ASB2: variants seen among roughly 807,000 people sequenced by gnomAD.
ASB2 encodes the protein ankyrin repeat and SOCS box containing 2.
A neutral mutation model predicts 62.4 loss-of-function variants in ASB2; 58 were observed. That is an observed-to-expected ratio of 0.93 (90% CI 0.75 to 1.16). The LOEUF (loss-of-function observed/expected upper bound fraction) is 1.16. Ranked by LOEUF, ASB2 falls within the 50% of genes most tolerant of loss-of-function variation. The pLI, the probability that ASB2 is intolerant of heterozygous loss-of-function variation, is 0.00. For missense variants in ASB2, 928 were observed against 887.9 expected (o/e 1.05, Z -0.57); for synonymous variants, 386 against 385.3 (o/e 1.00, Z -0.02).
intron 9 of ASB2, among the ~76,000 whole-genome samples, chr14:93,935,666 A>G (rs1240250253): frequency 6.6e-6 from 1 of 152,182 alleles, no homozygotes; most frequent in Non-Finnish European, 1.5e-5. Context: ...AAGTCATGCA[A>G]GCCTGGGGCT....
intron 3 of ASB2, chr14:93,955,532 G>C (rs967707164): frequency 5.5e-6 from 1 of 180,590 alleles, no homozygotes; most frequent in South Asian, 1.2e-4. Flanking sequence ...AGCCCAGTGG[G>C]GGTATGTGCC....
chr14:93,972,306 G>A lies in ASB2; in HGVS notation c.-74+4128C>T, dbSNP rs138052389. 3.8e-3 allele frequency among the ~76,000 whole-genome samples: 579 copies of A among 152,042 alleles called. 4 individuals are homozygous for A. Among genetic ancestry groups the A allele is most frequent in the Admixed American group, 6.7e-3 (102 of 15,282 alleles). On this transcript the variant is annotated intron_variant, in intron 1 of 9. Transcript: ENST00000555019. Reference sequence around the variant, plus strand: ...ATCTGCCTTTCCCCCCAGGATCCAGGGTGGTCCTAGGAAACCCAAGGAAAC... The same window carrying A: ...ATCTGCCTTTCCCCCCAGGATCCAGAGTGGTCCTAGGAAACCCAAGGAAAC...
chr14:93,945,189 TG>T (rs1888677717), intron 7 of ASB2, among the ~76,000 whole-genome samples: 1 of 152,116 alleles, frequency 6.6e-6, no homozygotes, highest in Admixed American at 6.5e-5. Context: ...AGGCTAGAAT[TG>T]GGGGGCAGTG....
rs529372693 is a variant in ASB2, at chr14:93,936,041, A to G, written c.1772-1249T>C. Among the ~76,000 whole-genome samples the G allele has an allele frequency of 2.6e-5, 4 of 152,342 alleles. No homozygotes were observed. In the South Asian group the frequency reaches 8.3e-4, roughly 32 times the overall value. On this transcript the variant is annotated intron_variant, in intron 9 of 9. Transcript: ENST00000555019. Reference sequence around the variant, plus strand: ...TTAGGACACTTTTTTAATAGTCCAGAAAATAGATGGGGAAACCCTTAGGTA... The same window carrying G: ...TTAGGACACTTTTTTAATAGTCCAGGAAATAGATGGGGAAACCCTTAGGTA...
In ASB2 at chr14:93,964,559, T is replaced by A; in HGVS notation, c.-20A>T. 6.5e-7 allele frequency: 1 copy of A among 1,535,608 alleles called. No individual in the cohort carries two copies. Among genetic ancestry groups the A allele is most frequent in the Non-Finnish European group, 8.7e-7 (1 of 1,146,578 alleles). ...GGCCATCCTCCTCCACCTCTCACCCTGGCCTCCAGAACAGACACCCAGTGG... is the reference window on the plus strand; with the variant it reads ...GGCCATCCTCCTCCACCTCTCACCCAGGCCTCCAGAACAGACACCCAGTGG... On this transcript the variant is annotated 5_prime_UTR_variant, in exon 2 of 10. Coordinates refer to ENST00000555019, the MANE Select transcript of ASB2 (RefSeq NM_001202429.2).
At chr14:93,962,831 G>A (rs1364260549) in intron 2 of ASB2, among the ~76,000 whole-genome samples, 3 of 152,208 alleles carry the variant, frequency 2.0e-5, no homozygotes, top group African/African-American at 7.2e-5. Flanking sequence ...CCCCTCCTGA[G>A]GAAGAGGAAC....
intron 4 of ASB2, among the ~76,000 whole-genome samples, chr14:93,953,832 G>A (rs539484776): frequency 6.6e-6 from 1 of 152,180 alleles, no homozygotes; most frequent in Non-Finnish European, 1.5e-5. Flanking sequence ...GAGTGTCGGG[G>A]GCCGTGTGGG....
At position 93,939,637 on chromosome 14, in the gene ASB2, G is replaced by C; in HGVS notation, c.1088C>G (p.Thr363Arg). ...ACTGACGCCGCTACGGCGTATGCGC[G>C]TGCGGCTGGTCACCGGCAGCAGCAT... ...VQMLLPVTSR[T>R]RIRRSGVSPL... The change falls in exon 8 of 10, where the codon ACG (threonine) becomes AGG (arginine). Residue 363 changes from threonine to arginine, a missense_variant. Coordinates refer to ENST00000555019, the MANE Select transcript of ASB2 (RefSeq NM_001202429.2). 1 of 1,520,620 alleles carries C rather than the reference G, an allele frequency of 6.6e-7. No individual in the cohort carries two copies. Among genetic ancestry groups the C allele is most frequent in the East Asian group, 2.5e-5 (1 of 40,364 alleles). The allele number at this position is 1,520,620 out of a possible 1,614,324, so 94.2% of individuals were successfully genotyped here.
intron 9 of ASB2, 90 bp from the exon 10 acceptor site, chr14:93,934,882 C>T (rs1444386348): frequency 9.0e-7 from 1 of 1,106,152 alleles, no homozygotes; most frequent in Non-Finnish European, 1.4e-6. Context: ...GGGAGGTGCC[C>T]AGCTGATGTG....
chr14:93,971,422 T>A (rs1240304570), intron 1 of ASB2, among the ~76,000 whole-genome samples: 1 of 152,232 alleles, frequency 6.6e-6, no homozygotes, highest in Non-Finnish European at 1.5e-5. Context: ...TTTGGAGGCT[T>A]GAATTTCTGC....
At chr14:93,939,713 G>A in intron 7 of ASB2, 41 bp from the exon 8 acceptor site, 3 of 1,354,284 alleles carry the variant, frequency 2.2e-6, no homozygotes, top group Non-Finnish European at 2.9e-6. Context: ...GGGAGGGTCG[G>A]GGTGTGGACG....
chr14:93,973,604 C>G (rs1889824428), intron 1 of ASB2, among the ~76,000 whole-genome samples: 1 of 152,240 alleles, frequency 6.6e-6, no homozygotes, highest in Non-Finnish European at 1.5e-5. Context: ...CTTTGGGCCC[C>G]TGAGCTATTG....
rs550003382 is a variant in ASB2 at position 93,967,799 on chromosome 14, A to C, written c.-73-3187T>G. On this transcript the variant is annotated intron_variant, in intron 1 of 9. Coordinates refer to ENST00000555019, the MANE Select transcript of ASB2 (RefSeq NM_001202429.2). ...TAGTATTGGCCATGGGGGAACAGAA[A>C]ACCCGGGGGGAGTGGAGGGATCTTG... Among the ~76,000 whole-genome samples the C allele has an allele frequency of 2.9e-3, 441 of 152,246 alleles. 1 individual carries two copies. Among genetic ancestry groups the C allele is most frequent in the Middle Eastern group, 0.01 (3 of 294 alleles).
intron 7 of ASB2, among the ~76,000 whole-genome samples, chr14:93,946,318 C>G (rs1409991855): frequency 6.6e-6 from 1 of 152,236 alleles, no homozygotes; most frequent in East Asian, 1.9e-4. Flanking sequence ...ATGAGTCACA[C>G]TCTGGAAATG....
intron 2 of ASB2, chr14:93,957,099 C>T: frequency 1.4e-6 from 2 of 1,421,510 alleles, no homozygotes; most frequent in Non-Finnish European, 1.8e-6. Flanking sequence ...ATTTAAATGA[C>T]CATATAAGAC....
chr14:93,955,322 G>C (rs563191991), intron 3 of ASB2: 1 of 364,096 alleles, frequency 2.7e-6, no homozygotes, highest in Non-Finnish European at 5.4e-6. Context: ...TTCCTCCAGC[G>C]TGAGCAGCAC....
At chr14:93,961,757 G>A (rs1235756741) in intron 2 of ASB2, among the ~76,000 whole-genome samples, 1 of 152,230 alleles carries the variant, frequency 6.6e-6, no homozygotes, top group African/African-American at 2.4e-5. Context: ...ATGCGTGTCT[G>A]GGTGTGAGGG....
chr14:93,947,500 C>T lies in ASB2; in HGVS notation c.901G>A (p.Ala301Thr), dbSNP rs1282244443. ...AKYGADINTQ[A>T]SDNASALYEA... ...TAGAGGGCAGACGCGTTGTCGCTGGCCTGCGTGTTGATGTCAGCACCTGGG... is the reference window on the plus strand; with the variant it reads ...TAGAGGGCAGACGCGTTGTCGCTGGTCTGCGTGTTGATGTCAGCACCTGGG... Residue 301 changes from alanine (A) to threonine (T), a missense_variant, in exon 7 of 10, where the codon GCC becomes ACC. Coordinates refer to ENST00000555019, the MANE Select transcript of ASB2 (RefSeq NM_001202429.2). 1 of 1,613,974 alleles carries T rather than the reference C, an allele frequency of 6.2e-7. No homozygotes were observed.
At chr14:93,952,269 T>G (rs1462840768) in intron 5 of ASB2, among the ~76,000 whole-genome samples, 1 of 152,218 alleles carries the variant, frequency 6.6e-6, no homozygotes, top group Non-Finnish European at 1.5e-5. Flanking sequence ...TAGGTGTGCT[T>G]GCAAGACCAG....
Sources: allele counts gnomAD v4.1 joint callset (sites outside exome capture counted in the v4.1 genomes callset), GRCh38; gene constraint gnomAD v4.1.1; transcripts MANE v1.5; gene names NCBI Gene and HGNC (gene_info 2026-07-23, HGNC 2026-07-21).